MAP3K15: variants seen among roughly 807,000 people sequenced by gnomAD.
MAP3K15 encodes the protein mitogen-activated protein kinase kinase kinase 15, also known as MAPK/ERK kinase kinase 15.
MAP3K15 carries 124 observed loss-of-function variants against 99.5 expected under a neutral mutation model. The observed-to-expected ratio is 1.25, with a 90% CI of 1.08 to 1.45. The LOEUF (loss-of-function observed/expected upper bound fraction) is 1.45, where lower values mean the gene tolerates loss of function less well. Ranked by LOEUF, MAP3K15 falls within the 40% of genes most tolerant of loss-of-function variation. MAP3K15 has a pLI of 0.00. For synonymous variants in MAP3K15, 494 were observed against 439.6 expected (o/e 1.12, Z -1.55); for missense variants, 1,242 against 1,079.7 (o/e 1.15, Z -2.11).
chrX:19,500,470 CA>C (rs1182536894), intron 1 of MAP3K15, among the ~76,000 whole-genome samples: 1 of 110,577 alleles, frequency 9.0e-6, no homozygotes, highest in Non-Finnish European at 1.9e-5. Context: ...TATCTGTGTC[CA>C]GTTCTGCCTG....
At chrX:19,502,861 C>A (rs1212784963) in intron 1 of MAP3K15, among the ~76,000 whole-genome samples, 1 of 111,590 alleles carries the variant, frequency 9.0e-6, no homozygotes, top group Non-Finnish European at 1.9e-5. Flanking sequence ...ATAAATTACC[C>A]AGTCTCAGTT....
intron 9 of MAP3K15, among the ~76,000 whole-genome samples, chrX:19,416,203 C>T (rs961065403): frequency 3.6e-5 from 4 of 111,097 alleles, no homozygotes; most frequent in Non-Finnish European, 5.7e-5. Flanking sequence ...CGGTGGCAGG[C>T]GTCTATAGTC....
chrX:19,463,782 G>A (rs1009702038), intron 4 of MAP3K15, among the ~76,000 whole-genome samples: 5 of 111,305 alleles, frequency 4.5e-5, no homozygotes, highest in Non-Finnish European at 7.5e-5. Flanking sequence ...TAAAGCACGA[G>A]AGCGTAAGGT....
intron 1 of MAP3K15, among the ~76,000 whole-genome samples, chrX:19,507,576 A>G (rs2064486627): frequency 2.6e-5 from 1 of 38,362 alleles, no homozygotes; most frequent in African/African-American, 1.2e-4. Context: ...ACCTTGTCTC[A>G]AAAAAAAAAA....
rs774341482 is a variant in MAP3K15, at chrX:19,491,828, C to T, written c.362-2861G>A. Among the ~76,000 whole-genome samples the T allele has an allele frequency of 8.7e-3, 965 of 110,288 alleles. 3 individuals carry two copies. The highest frequency in any genetic ancestry group is 0.014 in the Middle Eastern group (3 of 216). ...CCTCCAGAGTAGCTGGGACTACAGG[C>T]ATGTGCCACCATGCCCGGCTAATTT... On this transcript the variant is annotated intron_variant, in intron 1 of 28. Transcript: ENST00000338883.
chrX:19,512,933 A>G (rs1017747139), intron 1 of MAP3K15, among the ~76,000 whole-genome samples: 1 of 111,674 alleles, frequency 9.0e-6, no homozygotes, highest in Admixed American at 9.5e-5. Context: ...TTTTGGTGGA[A>G]ACATCAAAAA....
intron 17 of MAP3K15, 65 bp downstream of exon 17, chrX:19,392,278 C>T: frequency 8.7e-7 from 1 of 1,142,890 alleles, no homozygotes; most frequent in Non-Finnish European, 1.2e-6. Context: ...TCAGCAGACA[C>T]CATCGACAGC....
intron 1 of MAP3K15, among the ~76,000 whole-genome samples, chrX:19,503,749 G>A (rs1293135799): frequency 9.1e-6 from 1 of 110,250 alleles, no homozygotes. Flanking sequence ...AAGTCTTAAG[G>A]CATTTTTCAG....
intron 18 of MAP3K15, among the ~76,000 whole-genome samples, chrX:19,382,122 G>A (rs1464652299): frequency 9.1e-6 from 1 of 109,616 alleles, no homozygotes; most frequent in East Asian, 2.9e-4. Context: ...ACATGGTGGT[G>A]GGTGCCTGTA....
chrX:19,423,237 T>A (rs776199765), intron 9 of MAP3K15, among the ~76,000 whole-genome samples: 98 of 110,925 alleles, frequency 8.8e-4, no homozygotes, highest in African/African-American at 3.0e-3. Context: ...ACCGGGATGT[T>A]GTCACTGATA....
At chrX:19,442,399 C>A (rs993294406) in intron 6 of MAP3K15, among the ~76,000 whole-genome samples, 1 of 111,720 alleles carries the variant, frequency 9.0e-6, no homozygotes, top group African/African-American at 3.2e-5. Context: ...AAATACAATA[C>A]GTTTACTTTC....
chrX:19,401,148 T>C (rs992429840), intron 13 of MAP3K15, among the ~76,000 whole-genome samples: 2 of 111,053 alleles, frequency 1.8e-5, no homozygotes, highest in Non-Finnish European at 3.8e-5. Context: ...GACGTGTGAG[T>C]TACTCTACTA....
intron 23 of MAP3K15, 98 bp from the exon 24 acceptor site, chrX:19,371,162 TG>T (rs749602392): frequency 9.9e-5 from 79 of 801,130 alleles, no homozygotes; most frequent in Non-Finnish European, 1.3e-4. Flanking sequence ...CTCATCCTCT[TG>T]GGGGCCGCAT....
chrX:19,407,374 C>A, intron 12 of MAP3K15, 91 bp from the exon 13 acceptor site: 1 of 489,172 alleles, frequency 2.0e-6, no homozygotes. Context: ...TTATCAATTC[C>A]TGAAAGATTC....
Position 19,382,402 on chromosome X carries a change from G to A in MAP3K15, c.2432-2125C>T, listed in dbSNP as rs143581709. Among the ~76,000 whole-genome samples the A allele has an allele frequency of 8.6e-3, 963 of 111,392 alleles. 7 individuals are homozygous for A. Among genetic ancestry groups the A allele is most frequent in the African/African-American group, 0.03 (916 of 30,585 alleles). On this transcript the variant is annotated intron_variant, in intron 18 of 28. Transcript: ENST00000338883. ...AGCTGTGACGGATGGAATGTCCTGCGCTGATGGCAACGTTCTATCCTGTGT... is the reference window on the plus strand; with the variant it reads ...AGCTGTGACGGATGGAATGTCCTGCACTGATGGCAACGTTCTATCCTGTGT...
At chrX:19,380,052 GGGA>G (rs2063447508) in intron 19 of MAP3K15, 65 bp downstream of exon 19, 2 of 1,054,577 alleles carry the variant, frequency 1.9e-6, no homozygotes, top group Admixed American at 3.9e-5. Context: ...TTTCTGGATT[GGGA>G]GGAGACTTTG....
At chrX:19,391,744 G>C (rs993856350) in intron 18 of MAP3K15, among the ~76,000 whole-genome samples, 1 of 107,046 alleles carries the variant, frequency 9.3e-6, no homozygotes, top group African/African-American at 3.4e-5. Flanking sequence ...AACCTCAGCA[G>C]AGCACTCCAT....
Position 19,504,127 on chromosome X carries a change from T to G in MAP3K15, c.361+10774A>C, listed in dbSNP as rs748224367. Among the ~76,000 whole-genome samples, 209 of 34,042 alleles carry G rather than the reference T, an allele frequency of 6.1e-3. 1 individual carries two copies. Among genetic ancestry groups the G allele is most frequent in the African/African-American group, 0.021 (172 of 8,064 alleles). 29.6% of individuals were successfully genotyped at this position (34,042 alleles called of 115,157 possible). ...GAGCAAGACCCTGTGGGAGGGGAGG[T>G]GAGGGGAGGGGAGGGGGAAAGAAAG... On this transcript the variant is annotated intron_variant, in intron 1 of 28. Coordinates refer to ENST00000338883, the MANE Select transcript of MAP3K15 (RefSeq NM_001001671.4).
chrX:19,431,305 C>T (rs911722890), intron 7 of MAP3K15, 133 bp downstream of exon 7: 3 of 573,144 alleles, frequency 5.2e-6, no homozygotes, highest in African/African-American at 2.3e-5. Flanking sequence ...AATTCCCAGA[C>T]CACATTTACT....
Sources: gnomAD v4.1 joint callset for allele counts (sites outside exome capture counted in the v4.1 genomes callset) on GRCh38, gnomAD v4.1.1 for gene constraint, MANE v1.5 for transcripts, NCBI Gene and HGNC (gene_info 2026-07-23, HGNC 2026-07-21) for gene names.